SNTG2: variants seen among roughly 807,000 people sequenced by gnomAD.
The protein encoded by SNTG2 is gamma-2-syntrophin.
SNTG2 carries 74 observed loss-of-function variants against 70.9 expected under a neutral mutation model. The ratio of observed to expected loss-of-function variants is 1.04; its 90% CI spans 0.86 to 1.27. The LOEUF is 1.27. SNTG2 is among the 50% of genes most tolerant of loss of function. The pLI is 0.00. For synonymous variants in SNTG2, 278 were observed against 273.8 expected, an observed-to-expected ratio of 1.02 and a Z score of -0.15; for missense variants, 717 against 690.7, an observed-to-expected ratio of 1.04 and a Z score of -0.43.
At chr2:1,056,006 T>A (rs1479628619) in intron 1 of SNTG2, among the ~76,000 whole-genome samples, 2 of 151,762 alleles carry the variant, frequency 1.3e-5, no homozygotes, top group African/African-American at 4.8e-5. Context: ...GACTGCAGCT[T>A]CATCTCTCAG....
At chr2:1,081,890 G>T (rs1038022096) in intron 1 of SNTG2, among the ~76,000 whole-genome samples, 18 of 152,226 alleles carry the variant, frequency 1.2e-4, no homozygotes, top group Non-Finnish European at 2.1e-4. Context: ...CGGTCCCTGG[G>T]CTGCCAGCCA....
intron 14 of SNTG2, among the ~76,000 whole-genome samples, chr2:1,268,791 G>A (rs911919154): frequency 5.3e-5 from 8 of 152,354 alleles, no homozygotes; most frequent in Admixed American, 2.0e-4. Flanking sequence ...GTGAAAGAGC[G>A]TTTCTGGGAC....
At chr2:1,221,939 CTGTCTG>C (rs1180290951) in intron 9 of SNTG2, among the ~76,000 whole-genome samples, 198 of 11,268 alleles carry the variant, frequency 0.018, 90 homozygotes, top group East Asian at 0.075. Context: ...CTCTCTGTCT[CTGTCTG>C]TCTCTGTCTC....
intron 1 of SNTG2, among the ~76,000 whole-genome samples, chr2:1,009,320 G>C (rs1237713060): frequency 2.6e-5 from 3 of 114,882 alleles, no homozygotes; most frequent in Non-Finnish European, 1.8e-5. Context: ...ACTGGTGTGG[G>C]TCGTGTGTAT....
chr2:1,014,179 T>A (rs370387435), intron 1 of SNTG2, among the ~76,000 whole-genome samples: 5 of 3,802 alleles, frequency 1.3e-3, no homozygotes, highest in Non-Finnish European at 1.9e-3. Context: ...GGGATTTATA[T>A]GGGCAGAGAG....
At position 1,286,068 on chromosome 2, in the gene SNTG2, C is replaced by T. The variant is rs1679752272; in HGVS notation, c.1284+18497C>T. ...TCTTGACTTAAAGTTAGGAGAAGCC[C>T]AAAGTGTCCAGGTGGCAATCTTAAC... On this transcript the variant is annotated intron_variant, in intron 14 of 16. Coordinates refer to ENST00000308624, the MANE Select transcript of SNTG2 (RefSeq NM_018968.4). Among the ~76,000 whole-genome samples the T allele has an allele frequency of 2.6e-5, 4 of 152,184 alleles. No individual in the cohort carries two copies. The South Asian group carries it at 8.3e-4, about 32-fold the overall frequency.
intron 1 of SNTG2, among the ~76,000 whole-genome samples, chr2:957,693 A>G (rs934894261): frequency 1.3e-5 from 2 of 152,038 alleles, no homozygotes; most frequent in East Asian, 1.9e-4. Context: ...CTTCCGGCAC[A>G]TGGAAGGCGA....
At chr2:1,356,696 G>A (rs1660869388) in intron 16 of SNTG2, among the ~76,000 whole-genome samples, 1 of 152,096 alleles carries the variant, frequency 6.6e-6, no homozygotes. Flanking sequence ...TTTTTTCTAT[G>A]TCTGTAAAAA....
At position 1,209,147 on chromosome 2, in the gene SNTG2, T is replaced by C; in HGVS notation, c.636T>C (p.Tyr212=). The part of the protein sequence containing the change: ...PSSPIAKDPR[Y]EKRWLDTLSV... ...CGCCCATAGCTAAGGACCCGAGGTA[T>C]GAGAAGCGCTGGCTGGACACCTTGT... The change falls in exon 9 of 17, where the codon TAT becomes TAC. Residue 212 remains tyrosine, a synonymous_variant. Transcript: ENST00000308624. The C allele has an allele frequency of 3.1e-6, 5 of 1,613,978 alleles. No homozygotes were observed. Among genetic ancestry groups the C allele is most frequent in the South Asian group, 1.1e-5 (1 of 91,084 alleles).
chr2:1,024,036 A>G (rs917085520), intron 1 of SNTG2, among the ~76,000 whole-genome samples: 5 of 152,160 alleles, frequency 3.3e-5, no homozygotes, highest in Non-Finnish European at 4.4e-5. Context: ...GGTGATATTT[A>G]TTTGTGATTC....
intron 8 of SNTG2, among the ~76,000 whole-genome samples, chr2:1,203,989 T>G (rs1673470048): frequency 6.6e-6 from 1 of 152,210 alleles, no homozygotes; most frequent in Admixed American, 6.5e-5. Context: ...CACATTAACA[T>G]GGATGCATCT....
At chr2:975,042 GCACT>G (rs1359656790) in intron 1 of SNTG2, among the ~76,000 whole-genome samples, 2 of 152,136 alleles carry the variant, frequency 1.3e-5, no homozygotes, top group African/African-American at 2.4e-5. Context: ...ACACACACTT[GCACT>G]CACTCACACC....
Position 1,083,628 on chromosome 2 carries a change from T to G in SNTG2, c.183T>G (p.Cys61Trp). 1.2e-6 allele frequency: 2 copies of G among 1,613,718 alleles called. No individual in the cohort carries two copies. The highest frequency in any genetic ancestry group is 8.5e-7 in the Non-Finnish European group (1 of 1,179,700). The change falls in exon 2 of 17, where the codon TGT (cysteine) becomes TGG (tryptophan). Residue 61 changes from cysteine to tryptophan, a missense_variant. Transcript: ENST00000308624. ...CAATTCAGAAACAAGATGTTGTCTG[T>G]GTGGGCGGAAGCCACCAGGGCAGGA... Reference protein sequence around the residue: ...VLTIQKQDVVCVGGSHQGRNR... With the variant: ...VLTIQKQDVVWVGGSHQGRNR...
intron 14 of SNTG2, among the ~76,000 whole-genome samples, chr2:1,285,020 A>G (rs1463088107): frequency 6.6e-6 from 1 of 151,744 alleles, no homozygotes; most frequent in Non-Finnish European, 1.5e-5. Flanking sequence ...CGATCACAAG[A>G]CCCCACAGTA....
chr2:1,278,198 T>A (rs1679346002), intron 14 of SNTG2, among the ~76,000 whole-genome samples: 1 of 152,182 alleles, frequency 6.6e-6, no homozygotes, highest in Admixed American at 6.5e-5. Flanking sequence ...GTAACCTCAT[T>A]TTGGGACAAC....
At chr2:994,703 T>C (rs1661619075) in intron 1 of SNTG2, among the ~76,000 whole-genome samples, 1 of 152,000 alleles carries the variant, frequency 6.6e-6, no homozygotes, top group Admixed American at 6.5e-5. Flanking sequence ...TGTCTTTCTA[T>C]TTATTTAGTT....
chr2:1,076,326 G>T (rs909599426), intron 1 of SNTG2, among the ~76,000 whole-genome samples: 5 of 152,124 alleles, frequency 3.3e-5, no homozygotes, highest in Non-Finnish European at 5.9e-5. Flanking sequence ...TAATTTGCGT[G>T]GTTAGTTTCT....
chr2:1,208,561 C>T (rs948153935), intron 8 of SNTG2, among the ~76,000 whole-genome samples: 5 of 152,082 alleles, frequency 3.3e-5, no homozygotes, highest in African/African-American at 1.2e-4. Context: ...GGCTCCTTCA[C>T]CTTCCCAGAC....
intron 9 of SNTG2, among the ~76,000 whole-genome samples, chr2:1,222,145 G>C (rs1553361936): frequency 1.3e-4 from 19 of 141,926 alleles, no homozygotes; most frequent in South Asian, 2.4e-4. Flanking sequence ...GTCTCTCTCT[G>C]TCTCTGCCTA....
Sources: allele counts gnomAD v4.1 joint callset (sites outside exome capture counted in the v4.1 genomes callset), GRCh38; gene constraint gnomAD v4.1.1; transcripts MANE v1.5; gene names NCBI Gene and HGNC (gene_info 2026-07-23, HGNC 2026-07-21).